PPEF1: variants seen among roughly 807,000 people sequenced by gnomAD.
PPEF1 encodes the protein serine/threonine-protein phosphatase with EF-hands 1.
A neutral mutation model predicts 53.3 loss-of-function variants in PPEF1; 12 were observed. The ratio of observed to expected loss-of-function variants is 0.23; its 90% CI spans 0.14 to 0.36. The LOEUF (loss-of-function observed/expected upper bound fraction) is 0.36. Ranked by LOEUF, PPEF1 falls within the 10% of genes least tolerant of loss-of-function variation. PPEF1 has a pLI of 1.00. For missense variants in PPEF1, 334 were observed against 490.4 expected, an observed-to-expected ratio of 0.68 and a Z score of 3.01; for synonymous variants, 165 against 176.7, an observed-to-expected ratio of 0.93 and a Z score of 0.52.
chrX:18,799,052 G>A (rs1208358399), intron 10 of PPEF1, among the ~76,000 whole-genome samples: 3 of 111,165 alleles, frequency 2.7e-5, no homozygotes, highest in Non-Finnish European at 5.7e-5. Context: ...CCTGACCATC[G>A]TGGTGAAACC....
chrX:18,775,204 C>A, intron 6 of PPEF1, among the ~76,000 whole-genome samples: 1 of 101,146 alleles, frequency 9.9e-6, no homozygotes, highest in Non-Finnish European at 2.0e-5. Context: ...TTACCTTTAA[C>A]CCATTGCTTT....
At chrX:18,762,936 T>C (rs1042880386) in intron 6 of PPEF1, among the ~76,000 whole-genome samples, 1 of 111,902 alleles carries the variant, frequency 8.9e-6, no homozygotes, top group Non-Finnish European at 1.9e-5. Flanking sequence ...AATAACGAGA[T>C]ACAGATGAAC....
intron 11 of PPEF1, among the ~76,000 whole-genome samples, chrX:18,805,039 T>G (rs546021051): frequency 2.5e-4 from 27 of 109,206 alleles, no homozygotes; most frequent in African/African-American, 8.7e-4. Context: ...CAGGCTGGAG[T>G]GCAGTGGTGC....
exon 4 of PPEF1, chrX:18,690,998 G>T (rs113302394): frequency 9.8e-5 from 11 of 111,729 alleles, no homozygotes; most frequent in Middle Eastern, 4.6e-3. Flanking sequence ...TCCTGAGCCC[G>T]CAGGTCAGGC....
chrX:18,768,829 T>C lies in PPEF1; in HGVS notation c.558+7253T>C, dbSNP rs757307327. 6.3e-5 allele frequency among the ~76,000 whole-genome samples: 7 copies of C among 111,971 alleles called. No homozygotes were observed. The South Asian group carries it at 1.9e-3, about 30-fold the overall frequency. On this transcript the variant is annotated intron_variant, in intron 6 of 15. Transcript: ENST00000470157. ...TAGTTCAGGGTTGGACATGTTATGATTGGGATCAGCATGGAGTCCTAAAAG... is the reference window on the plus strand; with the variant it reads ...TAGTTCAGGGTTGGACATGTTATGACTGGGATCAGCATGGAGTCCTAAAAG...
chrX:18,766,315 T>C (rs1404255132), intron 6 of PPEF1, among the ~76,000 whole-genome samples: 1 of 111,127 alleles, frequency 9.0e-6, no homozygotes, highest in Non-Finnish European at 1.9e-5. Context: ...TTTTGCCCTT[T>C]TCTGTCTTAT....
intron 3 of PPEF1, among the ~76,000 whole-genome samples, chrX:18,741,144 G>A (rs1157837056): frequency 8.9e-6 from 1 of 111,758 alleles, no homozygotes; most frequent in Non-Finnish European, 1.9e-5. Context: ...GGGAGTGGGT[G>A]GAAGTGGGTA....
upstream of PPEF1, among the ~76,000 whole-genome samples, chrX:18,707,124 G>T (rs1270662764): frequency 1.8e-5 from 2 of 109,182 alleles, no homozygotes; most frequent in African/African-American, 6.9e-5. Flanking sequence ...ACTGCGACCG[G>T]CTGCCTCCTT....
At chrX:18,712,676 C>T (rs2044354704) in intron 1 of PPEF1, among the ~76,000 whole-genome samples, 1 of 111,932 alleles carries the variant, frequency 8.9e-6, no homozygotes, top group Admixed American at 9.5e-5. Context: ...AGTAGCCATC[C>T]TTGTCTTGTT....
intron 7 of PPEF1, 61 bp from the exon 8 acceptor site, chrX:18,782,305 C>A: frequency 1.0e-6 from 1 of 958,482 alleles, no homozygotes; most frequent in Non-Finnish European, 1.5e-6. Flanking sequence ...TCCCTTTTTG[C>A]ATGACTCATG....
At chrX:18,758,514 G>A (rs774275071) in intron 5 of PPEF1, among the ~76,000 whole-genome samples, 9 of 111,768 alleles carry the variant, frequency 8.1e-5, no homozygotes, top group East Asian at 2.8e-4. Context: ...CATTTCTAGC[G>A]TCTGATAGTG....
At position 18,783,879 on chromosome X, in the gene PPEF1, A is replaced by G; in HGVS notation, c.763-20A>G. 1 of 1,197,541 alleles carries G rather than the reference A, an allele frequency of 8.4e-7. No individual in the cohort carries two copies. Among genetic ancestry groups the G allele is most frequent in the Non-Finnish European group, 1.1e-6 (1 of 888,915 alleles). ...TGAACCTGTCAGAAAAACAAAACTT[A>G]CTCAAGCTCTTACTTACAGCTACAT... On this transcript the variant is annotated intron_variant, in intron 8 of 15. Transcript: ENST00000470157.
chrX:18,722,187 C>CTAGGCCA (rs2044602530), intron 1 of PPEF1, among the ~76,000 whole-genome samples: 2 of 112,514 alleles, frequency 1.8e-5, no homozygotes, highest in Admixed American at 1.9e-4. Flanking sequence ...GACTGTGGTC[C>CTAGGCCA]TAGGCCAGAG....
chrX:18,758,847 A>G (rs916206463), intron 5 of PPEF1, among the ~76,000 whole-genome samples: 22 of 111,497 alleles, frequency 2.0e-4, no homozygotes, highest in Non-Finnish European at 3.2e-4. Flanking sequence ...GAGCCACTAC[A>G]GACTCATCCT....
chrX:18,689,800 C>T (rs572482785), intron 3 of PPEF1, among the ~76,000 whole-genome samples: 9 of 111,164 alleles, frequency 8.1e-5, no homozygotes, highest in South Asian at 7.7e-4. Flanking sequence ...ATAAGAGCTT[C>T]GGCTTTAGTA....
At chrX:18,691,085 C>G (rs41297311) in exon 4 of PPEF1, 1 of 110,847 alleles carries the variant, frequency 9.0e-6, no homozygotes, top group Non-Finnish European at 1.9e-5. Context: ...GATCAAACCT[C>G]GAGGGAAAGG....
intron 7 of PPEF1, among the ~76,000 whole-genome samples, chrX:18,779,439 G>A (rs2046039024): frequency 9.0e-6 from 1 of 111,062 alleles, no homozygotes; most frequent in African/African-American, 3.3e-5. Flanking sequence ...TCCCATGCCC[G>A]ACCTTCACAG....
chrX:18,708,221 A>G (rs911188353), intron 1 of PPEF1, among the ~76,000 whole-genome samples: 6 of 112,126 alleles, frequency 5.4e-5, no homozygotes, highest in Admixed American at 2.9e-4. Context: ...TTATAACTCA[A>G]TGATCACATT....
chrX:18,799,506 A>G (rs778494324), intron 10 of PPEF1, among the ~76,000 whole-genome samples: 1 of 112,354 alleles, frequency 8.9e-6, no homozygotes, highest in African/African-American at 3.2e-5. Flanking sequence ...TAGTGAATCT[A>G]TAGTATTAAT....
Sources: allele counts gnomAD v4.1 joint callset (sites outside exome capture counted in the v4.1 genomes callset), GRCh38; gene constraint gnomAD v4.1.1; transcripts MANE v1.5; gene names NCBI Gene and HGNC (gene_info 2026-07-23, HGNC 2026-07-21).